ZC3H11A: variants seen among roughly 807,000 people sequenced by gnomAD.
ZC3H11A encodes the protein zinc finger CCCH domain-containing protein 11A.
ZC3H11A carries 22 observed loss-of-function variants against 90.8 expected under a neutral mutation model. The observed-to-expected ratio is 0.24, with a 90% CI of 0.17 to 0.35. The LOEUF is 0.35. Among genes scored for constraint, ZC3H11A ranks in the 10% least tolerant of loss-of-function variants. The pLI is 1.00. For missense variants in ZC3H11A, 701 were observed against 964.9 expected, an observed-to-expected ratio of 0.73 and a Z score of 3.62; for synonymous variants, 294 against 339.8, an observed-to-expected ratio of 0.87 and a Z score of 1.48.
At chr1:203,843,630 G>A (rs1297203364) in intron 12 of ZC3H11A, among the ~76,000 whole-genome samples, 1 of 152,168 alleles carries the variant, frequency 6.6e-6, no homozygotes, top group African/African-American at 2.4e-5. Flanking sequence ...TATGCAATAT[G>A]TAAATGAATG....
intron 10 of ZC3H11A, among the ~76,000 whole-genome samples, chr1:203,836,771 G>A (rs145171725): frequency 1.6e-4 from 24 of 152,210 alleles, no homozygotes; most frequent in East Asian, 5.8e-4. Context: ...ATGAGACTCC[G>A]TCTCAGAAAG....
At chr1:203,798,100 C>A in intron 1 of ZC3H11A, 1 of 1,536,118 alleles carries the variant, frequency 6.5e-7, no homozygotes, top group Non-Finnish European at 8.7e-7. Context: ...TTTGGAGTTG[C>A]TAGTGGAGAG....
intron 5 of ZC3H11A, among the ~76,000 whole-genome samples, chr1:203,828,840 A>G (rs1681378984): frequency 6.6e-6 from 1 of 152,200 alleles, no homozygotes. Flanking sequence ...TTGAGACAGA[A>G]ACCATATGGC....
intron 1 of ZC3H11A, chr1:203,798,692 TCTGATGCGTG>T: frequency 6.5e-7 from 1 of 1,536,126 alleles, no homozygotes; most frequent in Non-Finnish European, 8.7e-7. Context: ...AGCAAGGCAC[TCTGATGCGTG>T]CGCAGGAGAG....
intron 12 of ZC3H11A, 44 bp downstream of exon 12, chr1:203,840,418 C>T (rs755214502): frequency 6.4e-7 from 1 of 1,568,928 alleles, no homozygotes; most frequent in Non-Finnish European, 8.7e-7. Context: ...TTTTTCTTTG[C>T]TGTAAGAGCC....
chr1:203,854,048 G>T lies in ZC3H11A; in HGVS notation c.*1649G>T, dbSNP rs1045837784. 6.6e-6 allele frequency: 1 copy of T among 152,416 alleles called. No homozygotes were observed. The highest frequency in any genetic ancestry group is 1.5e-5 in the Non-Finnish European group (1 of 68,020). The allele number at this position is 152,416 out of a possible 1,614,324, so 9.4% of individuals were successfully genotyped here. On this transcript the variant is annotated 3_prime_UTR_variant, in exon 18 of 18. Coordinates refer to ENST00000367210, the MANE Select transcript of ZC3H11A (RefSeq NM_001376342.1). ...TGTATTAGTCAATGTTTCGTGTTCC[G>T]CATTATTTGAACCATTTGCCCTTAC...
intron 9 of ZC3H11A, among the ~76,000 whole-genome samples, chr1:203,832,145 G>A (rs572179668): frequency 8.1e-4 from 123 of 152,184 alleles, no homozygotes; most frequent in African/African-American, 2.3e-3. Context: ...CGCAGCCTCC[G>A]TCTTCTGGGT....
intron 2 of ZC3H11A, among the ~76,000 whole-genome samples, chr1:203,807,272 A>G (rs1672709585): frequency 6.6e-6 from 1 of 152,150 alleles, no homozygotes; most frequent in African/African-American, 2.4e-5. Context: ...CAGCTGTTTT[A>G]AACATTTTTA....
Position 203,847,162 on chromosome 1 carries a change from T to C in ZC3H11A, c.1043-22T>C, listed in dbSNP as rs757715871. ...GAGATGAACTTCAAGTATAATGACA[T>C]GTTTTTCTCCTGTGAAAACAGATAA... On this transcript the variant is annotated intron_variant, in intron 12 of 17. Transcript: ENST00000367210. The C allele has an allele frequency of 2.0e-5, 32 of 1,609,962 alleles. No homozygotes were observed. In the South Asian group the frequency reaches 3.2e-4, roughly 16 times the overall value.
At position 203,795,694 on chromosome 1, in the gene ZC3H11A, T is replaced by G. The variant is rs920862983; in HGVS notation, c.-1688T>G. 2.6e-5 allele frequency: 4 copies of G among 152,194 alleles called. No homozygotes were observed. The highest frequency in any genetic ancestry group is 5.9e-5 in the Non-Finnish European group (4 of 68,060). 9.4% of individuals were successfully genotyped at this position (152,194 alleles called of 1,614,324 possible). A position where few individuals can be genotyped will look rare whatever the true frequency, so the allele number is the denominator to read the frequency against. ...GGTTTTCTGCTAGTGCTGCTGCTGC[T>G]GGGAGGACGACGGACGGCAGCGGCC... On this transcript the variant is annotated 5_prime_UTR_variant, in exon 1 of 18. Coordinates refer to ENST00000367210, the MANE Select transcript of ZC3H11A (RefSeq NM_001376342.1).
At chr1:203,843,371 T>C (rs1283312894) in intron 12 of ZC3H11A, among the ~76,000 whole-genome samples, 1 of 152,244 alleles carries the variant, frequency 6.6e-6, no homozygotes, top group East Asian at 1.9e-4. Context: ...CATTTCTTTT[T>C]GTTTTCTCCT....
At chr1:203,827,142 A>C (rs1343353733) in intron 4 of ZC3H11A, among the ~76,000 whole-genome samples, 1 of 152,126 alleles carries the variant, frequency 6.6e-6, no homozygotes. Context: ...TCATTACTAG[A>C]TGATATTCTG....
Position 203,849,725 on chromosome 1 carries a change from C to G in ZC3H11A, c.1638C>G (p.Thr546=), listed in dbSNP as rs138030283. Residue 546 remains threonine (T), a synonymous_variant, in exon 15 of 18, where the codon ACC becomes ACG. Transcript: ENST00000367210. ...RTEAKEASGE[T]TGVDITKIQV... ...TTTATCCACAGGCTTCAGGTGAGAC[C>G]ACAGGAGTTGACATCACTAAAATTC... 2.7e-4 allele frequency: 439 copies of G among 1,613,772 alleles called. 2 individuals carry two copies. The African/African-American group carries it at 5.3e-3, about 19-fold the overall frequency.
At chr1:203,844,290 TA>T (rs2103338679) in intron 12 of ZC3H11A, among the ~76,000 whole-genome samples, 1 of 152,240 alleles carries the variant, frequency 6.6e-6, no homozygotes, top group East Asian at 1.9e-4. Context: ...GCCTCCCGAG[TA>T]AATGGGATTA....
chr1:203,798,898 A>G (rs955994096), intron 1 of ZC3H11A: 1 of 1,536,124 alleles, frequency 6.5e-7, no homozygotes, highest in Non-Finnish European at 8.7e-7. Flanking sequence ...GCTGTACCTC[A>G]GTTATATGAT....
intron 15 of ZC3H11A, chr1:203,850,242 A>G: frequency 1.5e-6 from 1 of 657,308 alleles, no homozygotes; most frequent in Non-Finnish European, 2.6e-6. Flanking sequence ...CTTTGTGTAA[A>G]ACTTTCTATG....
intron 4 of ZC3H11A, among the ~76,000 whole-genome samples, chr1:203,825,902 C>T (rs1362307272): frequency 6.6e-6 from 1 of 152,002 alleles, no homozygotes; most frequent in Non-Finnish European, 1.5e-5. Flanking sequence ...GTCTTCGTTG[C>T]ACATATATTA....
intron 1 of ZC3H11A, chr1:203,797,563 C>T (rs1329744802): frequency 1.5e-5 from 23 of 1,530,816 alleles, no homozygotes; most frequent in Non-Finnish European, 2.0e-5. Context: ...TCTTCACTCT[C>T]TCCTGGCAGA....
rs573038547 is a variant in ZC3H11A at position 203,817,581 on chromosome 1, A to C, written c.54+457A>C. Among the ~76,000 whole-genome samples, 173 of 152,194 alleles carry C rather than the reference A, an allele frequency of 1.1e-3. 1 individual carries two copies. The highest frequency in any genetic ancestry group is 4.0e-3 in the African/African-American group (167 of 41,568). ...TGAGTACTAAGAATATAGAGTCATC[A>C]TACTAAATATGCTTTTGCAGTTTTT... On this transcript the variant is annotated intron_variant, in intron 3 of 17. Coordinates refer to ENST00000367210, the MANE Select transcript of ZC3H11A (RefSeq NM_001376342.1).
Sources: gnomAD v4.1 joint callset for allele counts (sites outside exome capture counted in the v4.1 genomes callset) on GRCh38, gnomAD v4.1.1 for gene constraint, MANE v1.5 for transcripts, NCBI Gene and HGNC (gene_info 2026-07-23, HGNC 2026-07-21) for gene names.